Variants in SND1 observed in about 807,000 individuals in gnomAD.
SND1 encodes staphylococcal nuclease domain-containing protein 1.
In SND1, 38 loss-of-function variants were observed where a neutral mutation model predicts 121.7. The observed-to-expected ratio is 0.31, with a 90% CI of 0.24 to 0.41. The LOEUF (loss-of-function observed/expected upper bound fraction) is 0.41. Among genes scored for constraint, SND1 ranks in the 10% least tolerant of loss-of-function variants. SND1 has a pLI of 1.00. For missense variants in SND1, 868 were observed against 1,184.6 expected (o/e 0.73, Z 3.92); for synonymous variants, 401 against 447.4 (o/e 0.90, Z 1.31).
intron 16 of SND1, among the ~76,000 whole-genome samples, chr7:128,049,941 C>T (rs980826186): frequency 3.9e-5 from 6 of 152,050 alleles, no homozygotes; most frequent in Non-Finnish European, 5.9e-5. Context: ...CTGGGGTAAA[C>T]GCCCACAAAG....
intron 15 of SND1, among the ~76,000 whole-genome samples, chr7:127,984,022 C>T (rs1373243996): frequency 1.3e-5 from 2 of 152,162 alleles, no homozygotes; most frequent in Admixed American, 1.3e-4. Flanking sequence ...CCCTCTTAGT[C>T]ACCGCTTAGC....
intron 14 of SND1, among the ~76,000 whole-genome samples, chr7:127,926,526 T>G (rs576258021): frequency 3.3e-5 from 5 of 151,424 alleles, no homozygotes; most frequent in Non-Finnish European, 5.9e-5. Flanking sequence ...TAAAATTTGC[T>G]GTATGCCTTT....
intron 12 of SND1, among the ~76,000 whole-genome samples, chr7:127,876,502 A>C (rs1367226782): frequency 6.6e-6 from 1 of 152,178 alleles, no homozygotes; most frequent in East Asian, 1.9e-4. Flanking sequence ...ATGGTCCTCC[A>C]GATAGGGCTG....
At chr7:127,679,910 T>C (rs1795685195) in intron 1 of SND1, among the ~76,000 whole-genome samples, 1 of 152,222 alleles carries the variant, frequency 6.6e-6, no homozygotes, top group Non-Finnish European at 1.5e-5. Context: ...GGTGTACAAG[T>C]TTCTGTGTGG....
chr7:127,990,869 G>A (rs779127874), intron 15 of SND1, 78 bp from the exon 16 acceptor site: 8 of 930,992 alleles, frequency 8.6e-6, no homozygotes, highest in South Asian at 4.5e-5. Flanking sequence ...CACTGGAGGT[G>A]TCAGGGGACC....
intron 16 of SND1, chr7:128,032,017 TCTC>T (rs1040893409): frequency 3.3e-5 from 5 of 151,426 alleles, no homozygotes; most frequent in East Asian, 1.9e-4. Context: ...GCGCCCACCG[TCTC>T]CTCCTCGCGC....
At chr7:127,879,375 A>G (rs1407356356) in intron 12 of SND1, among the ~76,000 whole-genome samples, 1 of 152,120 alleles carries the variant, frequency 6.6e-6, no homozygotes, top group East Asian at 1.9e-4. Context: ...CATTTTTCCT[A>G]CTTGCTAACT....
intron 13 of SND1, 31 bp from the exon 14 acceptor site, chr7:127,904,714 GTT>G (rs745513333): frequency 6.8e-7 from 1 of 1,480,792 alleles, no homozygotes; most frequent in Non-Finnish European, 9.4e-7. Flanking sequence ...TGTGATTCTT[GTT>G]TTAATCGGTT....
At chr7:127,686,273 A>C (rs188307843) in intron 1 of SND1, among the ~76,000 whole-genome samples, 80 of 152,310 alleles carry the variant, frequency 5.3e-4, no homozygotes, top group Admixed American at 2.1e-3. Context: ...ATTCTTAATA[A>C]TTGGAAAGAA....
At chr7:127,871,130 G>A (rs1057131005) in intron 12 of SND1, among the ~76,000 whole-genome samples, 4 of 152,060 alleles carry the variant, frequency 2.6e-5, no homozygotes, top group Admixed American at 6.6e-5. Flanking sequence ...AGGTTTTCAG[G>A]GGGCAATAAT....
At chr7:127,791,528 A>C (rs1219135567) in intron 10 of SND1, among the ~76,000 whole-genome samples, 2 of 152,148 alleles carry the variant, frequency 1.3e-5, no homozygotes, top group East Asian at 1.9e-4. Context: ...TACAGCTCTG[A>C]AATGTTAAAT....
intron 15 of SND1, among the ~76,000 whole-genome samples, chr7:127,947,403 G>C (rs1185522983): frequency 6.6e-6 from 1 of 152,204 alleles, no homozygotes; most frequent in Admixed American, 6.5e-5. Context: ...GAAATAATGA[G>C]TCAGAAGTAT....
At chr7:127,949,373 C>T (rs986491864) in intron 15 of SND1, among the ~76,000 whole-genome samples, 1 of 152,156 alleles carries the variant, frequency 6.6e-6, no homozygotes, top group Admixed American at 6.5e-5. Flanking sequence ...AAGAAGATTG[C>T]CTTTAATGAG....
intron 12 of SND1, among the ~76,000 whole-genome samples, chr7:127,860,415 G>T (rs1337684332): frequency 6.6e-6 from 1 of 152,210 alleles, no homozygotes; most frequent in Non-Finnish European, 1.5e-5. Flanking sequence ...ACAAAAGTCT[G>T]CTTAAGGTGC....
chr7:127,778,218 C>T (rs1005012192), intron 10 of SND1, among the ~76,000 whole-genome samples: 1 of 111,606 alleles, frequency 9.0e-6, no homozygotes, highest in Non-Finnish European at 1.8e-5. Context: ...TATTTTGAGA[C>T]GGAGTCTCGC....
chr7:127,668,291 A>G (rs1271267797), intron 1 of SND1, among the ~76,000 whole-genome samples: 3 of 152,142 alleles, frequency 2.0e-5, no homozygotes, highest in Non-Finnish European at 4.4e-5. Context: ...TCAGAAACAT[A>G]TGTTCTCCAG....
In SND1 at chr7:127,821,154, A is replaced by G. The variant is rs1161113067; in HGVS notation, c.1242+13581A>G. ...CCATTGTTTTTGGAAAAGAGAAAAC[A>G]TGGACAAGGAAAATGTTGTGCCAGT... On this transcript the variant is annotated intron_variant, in intron 11 of 23. Coordinates refer to ENST00000354725, the MANE Select transcript of SND1 (RefSeq NM_014390.4). Among the ~76,000 whole-genome samples the G allele has an allele frequency of 2.0e-5, 3 of 152,226 alleles. No individual in the cohort carries two copies. In the East Asian group the frequency reaches 5.8e-4, roughly 29 times the overall value.
intron 15 of SND1, among the ~76,000 whole-genome samples, chr7:127,932,865 G>GA (rs1473035038): frequency 6.6e-6 from 1 of 152,152 alleles, no homozygotes; most frequent in African/African-American, 2.4e-5. Flanking sequence ...TATGCCCTGG[G>GA]AAACTAAAAA....
intron 11 of SND1, among the ~76,000 whole-genome samples, chr7:127,837,077 C>G (rs146129609): frequency 6.6e-6 from 1 of 151,934 alleles, no homozygotes; most frequent in African/African-American, 2.4e-5. Context: ...TTTTTGATAC[C>G]AGGGTTTTTA....
Sources: allele counts gnomAD v4.1 joint callset (sites outside exome capture counted in the v4.1 genomes callset), GRCh38; gene constraint gnomAD v4.1.1; transcripts MANE v1.5; gene names NCBI Gene and HGNC (gene_info 2026-07-23, HGNC 2026-07-21).